The following CHD6 variants were observed in gnomAD, a reference collection of about 807,000 sequenced individuals.
The protein encoded by CHD6 is ATP-dependent chromatin remodeler CHD6.
CHD6 carries 50 observed loss-of-function variants against 276.9 expected under a neutral mutation model. The observed-to-expected ratio is 0.18, with a 90% confidence interval of 0.14 to 0.23. CHD6 has a LOEUF of 0.23. Ranked by LOEUF, CHD6 falls within the 10% of genes least tolerant of loss-of-function variation. The probability of loss-of-function intolerance (pLI) is 1.00; values close to 1 mark genes in which losing one functional copy is unlikely to be tolerated. For missense variants in CHD6, 2,564 were observed against 3,365.8 expected, an observed-to-expected ratio of 0.76 and a Z score of 5.89; for synonymous variants, 1,173 against 1,229.3, an observed-to-expected ratio of 0.95 and a Z score of 0.96.
chr20:41,529,868 G>A (rs952926460), intron 3 of CHD6, among the ~76,000 whole-genome samples: 4 of 152,140 alleles, frequency 2.6e-5, no homozygotes, highest in Non-Finnish European at 4.4e-5. Context: ...GATTCTAAGC[G>A]GTTATAAATT....
Position 41,512,900 on chromosome 20 carries a change from A to T in CHD6, c.798T>A (p.Leu266=). 6.2e-7 allele frequency: 1 copy of T among 1,614,052 alleles called. No individual in the cohort carries two copies. Among genetic ancestry groups the T allele is most frequent in the Non-Finnish European group, 8.5e-7 (1 of 1,179,954 alleles). Residue 266 remains leucine (L), a synonymous_variant, in exon 5 of 37, where the codon CTT becomes CTA. Coordinates refer to ENST00000373233, the MANE Select transcript of CHD6 (RefSeq NM_032221.5). The part of the protein sequence containing the change: ...VDDDGETIAV[L]GAGRTSALSA... ...AGAGTGCAGATGTTCGACCAGCTCCAAGAACAGCAATTGTTTCCCCATCAT... is the reference window on the plus strand; with the variant it reads ...AGAGTGCAGATGTTCGACCAGCTCCTAGAACAGCAATTGTTTCCCCATCAT...
chr20:41,552,774 C>T (rs2045165926), intron 1 of CHD6, among the ~76,000 whole-genome samples: 1 of 152,078 alleles, frequency 6.6e-6, no homozygotes, highest in Non-Finnish European at 1.5e-5. Context: ...GACATGTCTA[C>T]CAAGGTACTG....
intron 1 of CHD6, among the ~76,000 whole-genome samples, chr20:41,568,077 C>A (rs2045378897): frequency 6.6e-6 from 1 of 152,142 alleles, no homozygotes; most frequent in Non-Finnish European, 1.5e-5. Context: ...GGGTGAAGTA[C>A]ACAGAAAGCA....
Position 41,473,082 on chromosome 20 carries a change from G to A in CHD6, c.2664+240C>T, listed in dbSNP as rs1210541907. The A allele has an allele frequency of 2.4e-5, 11 of 460,520 alleles. No homozygotes were observed. Among genetic ancestry groups the A allele is most frequent in the African/African-American group, 3.9e-5 (2 of 51,434 alleles). 28.5% of individuals were successfully genotyped at this position (460,520 alleles called of 1,614,324 possible). ...TAATTAGTAGTTCTAGTCTATATCT[G>A]GAGGCTACCACTGTGAAACATCATT... On this transcript the variant is annotated intron_variant, in intron 17 of 36. Transcript: ENST00000373233. This position sits in a 1 kb window ranked among gnomAD's most constrained non-coding sequence, Gnocchi z 4.1.
At chr20:41,536,111 C>A (rs1409891788) in intron 2 of CHD6, among the ~76,000 whole-genome samples, 1 of 152,064 alleles carries the variant, frequency 6.6e-6, no homozygotes, top group African/African-American at 2.4e-5. Flanking sequence ...AAGGGAAAGG[C>A]AAAGAGCTGA....
chr20:41,486,818 A>G (rs77088247), intron 14 of CHD6, among the ~76,000 whole-genome samples: 1,748 of 152,030 alleles, frequency 0.011, 15 homozygotes, highest in Non-Finnish European at 0.015. Context: ...CCACTAGTGA[A>G]TAACTACCAT....
At chr20:41,438,044 C>G (rs1020412456) in intron 26 of CHD6, among the ~76,000 whole-genome samples, 1 of 152,208 alleles carries the variant, frequency 6.6e-6, no homozygotes, top group African/African-American at 2.4e-5. Context: ...ACTCTAGAAA[C>G]TGAAGGCTGT....
chr20:41,497,773 T>G, intron 7 of CHD6: 2 of 490,310 alleles, frequency 4.1e-6, no homozygotes, highest in Non-Finnish European at 7.4e-6. Flanking sequence ...AGGTTATCAT[T>G]AACACACATT....
intron 2 of CHD6, among the ~76,000 whole-genome samples, chr20:41,548,797 G>GA (rs1169531600): frequency 0.012 from 1,820 of 148,628 alleles, 19 homozygotes; most frequent in Non-Finnish European, 0.021. Flanking sequence ...AAATTTACAA[G>GA]AAAAAAAAAA....
chr20:41,412,203 C>T lies in CHD6; in HGVS notation c.7192G>A (p.Val2398Ile), dbSNP rs755295918. 1.2e-6 allele frequency: 2 copies of T among 1,614,220 alleles called. No homozygotes were observed. The highest frequency in any genetic ancestry group is 1.7e-6 in the Non-Finnish European group (2 of 1,180,026). Reference sequence around the variant, plus strand: ...CTCTCTTCCCCGCTCAGGGAGCTGACATCTAATTTTCCAGGTTCTTTACAG... The same window carrying T: ...CTCTCTTCCCCGCTCAGGGAGCTGATATCTAATTTTCCAGGTTCTTTACAG... ...PRCKEPGKLD[V>I]SSLSGEERVP... The change falls in exon 36 of 37, where the codon GTC (valine) becomes ATC (isoleucine). Residue 2398 changes from valine to isoleucine, a missense_variant. By Grantham distance (29) the Val-to-Ile change is conservative. Around this residue, in one of 7 missense-constraint regions of CHD6, gnomAD observed 1,024 missense variants for 1,047.9 expected, o/e 0.98. Coordinates refer to ENST00000373233, the MANE Select transcript of CHD6 (RefSeq NM_032221.5).
intron 15 of CHD6, among the ~76,000 whole-genome samples, chr20:41,483,788 C>T (rs2043349658): frequency 6.6e-6 from 1 of 152,002 alleles, no homozygotes; most frequent in South Asian, 2.1e-4. Flanking sequence ...CTGACTCACC[C>T]AAGTAAAGAA....
intron 26 of CHD6, among the ~76,000 whole-genome samples, chr20:41,438,203 C>T (rs1321913908): frequency 6.6e-6 from 1 of 152,218 alleles, no homozygotes; most frequent in African/African-American, 2.4e-5. Flanking sequence ...TTGTTACCAT[C>T]AGACCCTTGA....
At chr20:41,480,081 C>A (rs1199913151) in intron 16 of CHD6, among the ~76,000 whole-genome samples, 5 of 152,168 alleles carry the variant, frequency 3.3e-5, no homozygotes, top group African/African-American at 9.7e-5. Context: ...CATTTTCAGA[C>A]AATGTCTCAA....
At chr20:41,564,035 C>G (rs1385210872) in intron 1 of CHD6, 1 of 778,922 alleles carries the variant, frequency 1.3e-6, no homozygotes, top group East Asian at 2.4e-5. Flanking sequence ...GTGAAGATAT[C>G]TGGGTTCTGA....
chr20:41,510,202 T>C (rs924927641), intron 5 of CHD6, among the ~76,000 whole-genome samples: 1 of 152,212 alleles, frequency 6.6e-6, no homozygotes, highest in Non-Finnish European at 1.5e-5. Context: ...TGCATGTGCC[T>C]TGAGATTGCC....
At chr20:41,440,569 A>G (rs529327000) in intron 25 of CHD6, among the ~76,000 whole-genome samples, 9 of 152,298 alleles carry the variant, frequency 5.9e-5, no homozygotes, top group African/African-American at 2.2e-4. Flanking sequence ...GAGAACTACG[A>G]TGATTGTTTA....
At chr20:41,451,664 C>G (rs1159266460) in intron 22 of CHD6, among the ~76,000 whole-genome samples, 162 bp downstream of exon 22, 51 of 152,198 alleles carry the variant, frequency 3.4e-4, no homozygotes, top group Admixed American at 3.3e-3. Flanking sequence ...CTGGGAGATT[C>G]TGAGGCAGAA....
chr20:41,483,666 T>C (rs564665233), intron 15 of CHD6, 147 bp from the exon 16 acceptor site: 1 of 624,964 alleles, frequency 1.6e-6, no homozygotes, highest in East Asian at 2.8e-5. Context: ...CACTCTTTGG[T>C]CTGTGCCTTC....
Position 41,404,747 on chromosome 20 carries a change from G to A in CHD6, c.7994C>T (p.Pro2665Leu). 6.2e-7 allele frequency: 1 copy of A among 1,605,728 alleles called. No homozygotes were observed. The highest frequency in any genetic ancestry group is 8.5e-7 in the Non-Finnish European group (1 of 1,175,584). ...GGGAGCAGGCTCTGGGTGGGAGTTGGGGTTGTCCCCCTTTGTCTTCTTCTT... is the reference window on the plus strand; with the variant it reads ...GGGAGCAGGCTCTGGGTGGGAGTTGAGGTTGTCCCCCTTTGTCTTCTTCTT... ...RKKKKTKGDN[P>L]NSHPEPAPSC... Residue 2665 changes from proline (P) to leucine (L), a missense_variant, in exon 37 of 37, where the codon CCC (proline) becomes CTC (leucine). Pro to Leu is a moderately conservative substitution (Grantham distance 98). Transcript: ENST00000373233.
Sources: gnomAD v4.1 joint callset for allele counts (sites outside exome capture counted in the v4.1 genomes callset) on GRCh38, gnomAD v4.1.1 for gene constraint, gnomAD v4.1.1 regional missense constraint, Gnocchi (gnomAD v3.1) non-coding constraint, MANE v1.5 for transcripts, NCBI Gene and HGNC (gene_info 2026-07-23, HGNC 2026-07-21) for gene names.